The following ERH variants were observed in gnomAD, a reference collection of about 807,000 sequenced individuals.
ERH encodes enhancer of rudimentary homolog.
A neutral mutation model predicts 16.8 loss-of-function variants in ERH; 1 was observed. That is an observed-to-expected ratio of 0.06 (90% CI 0.02 to 0.28). The LOEUF is 0.28. Among genes scored for constraint, ERH ranks in the 10% least tolerant of loss-of-function variants. The probability of loss-of-function intolerance (pLI) is 1.00; values close to 1 mark genes in which losing one functional copy is unlikely to be tolerated. For synonymous variants in ERH, 43 were observed against 43.6 expected (o/e 0.99, Z 0.05); for missense variants, 42 against 127.5 (o/e 0.33, Z 3.23).
chr14:69,390,235 C>G (rs1437830537), intron 2 of ERH, among the ~76,000 whole-genome samples: 3 of 152,164 alleles, frequency 2.0e-5, no homozygotes, highest in Non-Finnish European at 4.4e-5. Flanking sequence ...CACAGAAATG[C>G]AGGAGACCCA....
chr14:69,384,002 GT>G (rs2045878210), intron 3 of ERH, among the ~76,000 whole-genome samples: 1 of 151,848 alleles, frequency 6.6e-6, no homozygotes, highest in African/African-American at 2.4e-5. Flanking sequence ...TTTTTATAAA[GT>G]CTAGTACAAA....
At chr14:69,397,214 T>G (rs1403686410) in intron 1 of ERH, among the ~76,000 whole-genome samples, 1 of 152,184 alleles carries the variant, frequency 6.6e-6, no homozygotes, top group African/African-American at 2.4e-5. Context: ...TTATCATTTT[T>G]AAATGGCAAT....
Position 69,382,707 on chromosome 14 carries a change from C to T in ERH, c.213-2067G>A, listed in dbSNP as rs191925763. On this transcript the variant is annotated intron_variant, in intron 3 of 3. Transcript: ENST00000557016. ...TACAAAAATTAGCTGGGCGTGGTGGCGCGCACCTGTAGTCCCAGCTACTCG... is the reference window on the plus strand; with the variant it reads ...TACAAAAATTAGCTGGGCGTGGTGGTGCGCACCTGTAGTCCCAGCTACTCG... Among the ~76,000 whole-genome samples, 625 of 150,662 alleles carry T rather than the reference C, an allele frequency of 4.1e-3. 6 individuals are homozygous for T. The highest frequency in any genetic ancestry group is 0.014 in the African/African-American group (590 of 40,934).
chr14:69,385,829 C>T (rs1035102143), intron 3 of ERH, among the ~76,000 whole-genome samples: 1 of 152,154 alleles, frequency 6.6e-6, no homozygotes, highest in Non-Finnish European at 1.5e-5. Context: ...TCAGTCCTCA[C>T]ATATCTGTCC....
At chr14:69,390,867 A>G (rs781075937) in intron 2 of ERH, among the ~76,000 whole-genome samples, 3 of 152,262 alleles carry the variant, frequency 2.0e-5, no homozygotes, top group Non-Finnish European at 4.4e-5. Context: ...ATACCTCAAT[A>G]AAGATGCAGA....
chr14:69,398,236 C>A lies in ERH; in HGVS notation c.-3G>T, dbSNP rs542466827. On this transcript the variant is annotated 5_prime_UTR_variant, in exon 1 of 4. Transcript: ENST00000557016. Reference sequence around the variant, plus strand: ...GCCGCGGAGGCCTTTCTCACCATCGCGCCAAACTCTCTTCGCTACAGCAGC... The same window carrying A: ...GCCGCGGAGGCCTTTCTCACCATCGAGCCAAACTCTCTTCGCTACAGCAGC... 6.2e-7 allele frequency: 1 copy of A among 1,614,040 alleles called. No individual in the cohort carries two copies. The highest frequency in any genetic ancestry group is 1.1e-5 in the South Asian group (1 of 91,072).
intron 3 of ERH, 146 bp from the exon 4 acceptor site, chr14:69,380,786 C>A: frequency 1.7e-6 from 1 of 581,932 alleles, no homozygotes; most frequent in South Asian, 2.2e-5. Flanking sequence ...GCTACTTACA[C>A]AGTCGTTGAA....
intron 3 of ERH, among the ~76,000 whole-genome samples, chr14:69,382,681 A>G (rs1277600724): frequency 6.6e-6 from 1 of 151,038 alleles, no homozygotes; most frequent in Non-Finnish European, 1.5e-5. Flanking sequence ...AAAAAAAAAA[A>G]TACAAAAATT....
chr14:69,380,526 CTT>C lies in ERH; in HGVS notation c.*10_*11del. 9.1e-7 allele frequency: 1 copy of C among 1,100,050 alleles called. No individual in the cohort carries two copies. The highest frequency in any genetic ancestry group is 1.4e-6 in the Non-Finnish European group (1 of 719,064). 68.1% of individuals were successfully genotyped at this position (1,100,050 alleles called of 1,614,324 possible). ...CAAGCCCACCCCAACCCCCCCAGTG[CTT>C]CCAACACAATTATTTCCCAGCCTGT... is the stretch of plus-strand genomic sequence containing the variant. On this transcript the variant is annotated 3_prime_UTR_variant, in exon 4 of 4. Transcript: ENST00000557016.
intron 3 of ERH, among the ~76,000 whole-genome samples, chr14:69,380,920 CA>C (rs1417403128): frequency 6.6e-6 from 1 of 152,140 alleles, no homozygotes; most frequent in African/African-American, 2.4e-5. Flanking sequence ...AGAGTATGAC[CA>C]GAAACCATGT....
Position 69,393,138 on chromosome 14 carries a change from G to A in ERH, c.91+1687C>T, listed in dbSNP as rs140562036. On this transcript the variant is annotated intron_variant, in intron 2 of 3. Transcript: ENST00000557016. Reference sequence around the variant, plus strand: ...TCGGGACCAGCCTGGCCAACGTGGCGAAACCCTGTCTTTACTAAAAATACA... The same window carrying A: ...TCGGGACCAGCCTGGCCAACGTGGCAAAACCCTGTCTTTACTAAAAATACA... Among the ~76,000 whole-genome samples, 481 of 152,294 alleles carry A rather than the reference G, an allele frequency of 3.2e-3. 4 individuals are homozygous for A. The highest frequency in any genetic ancestry group is 0.011 in the African/African-American group (462 of 41,548).
chr14:69,390,539 A>G (rs1193626147), intron 2 of ERH, among the ~76,000 whole-genome samples: 3 of 152,248 alleles, frequency 2.0e-5, no homozygotes, highest in Non-Finnish European at 4.4e-5. Flanking sequence ...TCTCTACAAC[A>G]GACCAGAGAC....
chr14:69,391,217 G>C (rs539857930), intron 2 of ERH, among the ~76,000 whole-genome samples: 38 of 152,280 alleles, frequency 2.5e-4, no homozygotes, highest in African/African-American at 8.7e-4. Flanking sequence ...CCAAAAAATA[G>C]AAGCAACCAA....
intron 1 of ERH, 156 bp from the exon 2 acceptor site, chr14:69,395,068 C>T: frequency 3.3e-6 from 2 of 613,862 alleles, no homozygotes; most frequent in East Asian, 2.9e-5. Context: ...AATCCTCATC[C>T]TCTGGGAGGC....
intron 1 of ERH, 67 bp from the exon 2 acceptor site, chr14:69,394,979 A>T: frequency 9.4e-7 from 1 of 1,061,994 alleles, no homozygotes. Flanking sequence ...ATAAAAAAAA[A>T]TCCCCATTTG....
intron 3 of ERH, among the ~76,000 whole-genome samples, chr14:69,382,669 CA>C (rs540572928): frequency 0.13 from 18,619 of 139,010 alleles, 1,330 homozygotes; most frequent in Middle Eastern, 0.26. Flanking sequence ...CCGTCTCCAC[CA>C]AAAAAAAAAA....
Position 69,388,754 on chromosome 14 carries a change from C to A in ERH, c.92-1671G>T, listed in dbSNP as rs148702510. ...ATTTTAAGACTACTATGATGAATGG[C>A]TAAGTGACATAAATGCTAGTTATCT... is the stretch of plus-strand genomic sequence containing the variant. On this transcript the variant is annotated intron_variant, in intron 2 of 3. Transcript: ENST00000557016. Among the ~76,000 whole-genome samples, 477 of 152,260 alleles carry A rather than the reference C, an allele frequency of 3.1e-3. 4 individuals carry two copies. Among genetic ancestry groups the A allele is most frequent in the African/African-American group, 0.011 (463 of 41,548 alleles).
At chr14:69,385,576 A>G (rs988032383) in intron 3 of ERH, among the ~76,000 whole-genome samples, 14 of 151,964 alleles carry the variant, frequency 9.2e-5, no homozygotes, top group African/African-American at 2.9e-4. Context: ...CCCACTTAAA[A>G]AAAAGCAATT....
intron 3 of ERH, among the ~76,000 whole-genome samples, chr14:69,383,854 A>G (rs1181815852): frequency 6.6e-6 from 1 of 152,198 alleles, no homozygotes; most frequent in African/African-American, 2.4e-5. Context: ...TTTACATTTT[A>G]AAGTCTAATG....
Sources: gnomAD v4.1 joint callset for allele counts (sites outside exome capture counted in the v4.1 genomes callset) on GRCh38, gnomAD v4.1.1 for gene constraint, MANE v1.5 for transcripts, NCBI Gene and HGNC (gene_info 2026-07-23, HGNC 2026-07-21) for gene names.